Variants in DISC1 observed in about 807,000 individuals in gnomAD.
DISC1 encodes the protein disrupted in schizophrenia 1 protein.
Under a neutral mutation model 84.5 loss-of-function variants are expected in DISC1, and 57 were observed. The ratio of observed to expected loss-of-function variants is 0.67; its 90% CI spans 0.55 to 0.84. DISC1 has a LOEUF of 0.84. DISC1 is among the 40% of genes least tolerant of loss of function. DISC1 has a pLI of 0.00. For synonymous variants in DISC1, 411 were observed against 415.2 expected, an observed-to-expected ratio of 0.99 and a Z score of 0.12; for missense variants, 1,000 against 1,057.8, an observed-to-expected ratio of 0.95 and a Z score of 0.76.
chr1:231,706,411 C>T (rs910811935), intron 3 of DISC1, among the ~76,000 whole-genome samples: 1 of 152,158 alleles, frequency 6.6e-6, no homozygotes, highest in African/African-American at 2.4e-5. Context: ...GGTTACTGTT[C>T]TAGTTGTTCC....
chr1:231,967,035 T>C (rs1661213510), intron 10 of DISC1, among the ~76,000 whole-genome samples: 1 of 152,264 alleles, frequency 6.6e-6, no homozygotes, highest in South Asian at 2.1e-4. Context: ...ATTTAGAGAT[T>C]GATGTATTTT....
chr1:232,008,074 CTG>C (rs1463050674), intron 10 of DISC1, among the ~76,000 whole-genome samples: 3 of 152,354 alleles, frequency 2.0e-5, no homozygotes, highest in African/African-American at 7.2e-5. Flanking sequence ...CCACACTGAA[CTG>C]TGAGTCAATT....
chr1:231,824,856 G>A (rs187500479), intron 9 of DISC1, among the ~76,000 whole-genome samples: 154 of 151,762 alleles, frequency 1.0e-3, no homozygotes, highest in African/African-American at 3.6e-3. Context: ...TGTAGAACCA[G>A]ATCTTGAAGT....
intron 1 of DISC1, among the ~76,000 whole-genome samples, chr1:231,628,076 G>C (rs1385168356): frequency 6.6e-6 from 1 of 152,106 alleles, no homozygotes. Context: ...ATTTTTCCTA[G>C]GCAAAATCTA....
At chr1:232,025,530 C>T (rs1042072601) in intron 11 of DISC1, among the ~76,000 whole-genome samples, 8 of 151,942 alleles carry the variant, frequency 5.3e-5, no homozygotes, top group Non-Finnish European at 1.2e-4. Flanking sequence ...TACTACGTGC[C>T]TGTCATGTGC....
chr1:231,655,196 T>C (rs1305956259), intron 1 of DISC1, among the ~76,000 whole-genome samples: 1 of 152,220 alleles, frequency 6.6e-6, no homozygotes, highest in Non-Finnish European at 1.5e-5. Flanking sequence ...AATTTTAGTG[T>C]ACCCAAGTTG....
chr1:231,881,071 CT>C (rs947592820), intron 9 of DISC1, among the ~76,000 whole-genome samples: 1 of 152,064 alleles, frequency 6.6e-6, no homozygotes, highest in African/African-American at 2.4e-5. Flanking sequence ...CCTTTCTCCC[CT>C]CTCTTTCTTC....
intron 4 of DISC1, among the ~76,000 whole-genome samples, chr1:231,759,611 C>T (rs1222800109): frequency 6.7e-6 from 1 of 149,664 alleles, no homozygotes; most frequent in Non-Finnish European, 1.5e-5. Flanking sequence ...AAAGCTAAGT[C>T]AGGAGGATTG....
At chr1:231,728,393 G>A (rs990711445) in intron 3 of DISC1, among the ~76,000 whole-genome samples, 8 of 152,138 alleles carry the variant, frequency 5.3e-5, no homozygotes, top group Non-Finnish European at 8.8e-5. Context: ...AGGCACAATC[G>A]CCCACTGTCT....
intron 3 of DISC1, among the ~76,000 whole-genome samples, chr1:231,713,515 TGAA>T (rs2068146529): frequency 6.6e-6 from 1 of 151,590 alleles, no homozygotes; most frequent in Non-Finnish European, 1.5e-5. Flanking sequence ...AAAGCTGAAA[TGAA>T]GAATTTACTA....
In DISC1 at chr1:232,008,945, A is replaced by G. The variant is rs1572619344; in HGVS notation, c.2203A>G (p.Arg735Gly). 6.2e-7 allele frequency: 1 copy of G among 1,613,614 alleles called. No individual in the cohort carries two copies. Among genetic ancestry groups the G allele is most frequent in the Non-Finnish European group, 8.5e-7 (1 of 1,179,694 alleles). ...GGGAGCTGCTCCTCCTATTCCCCCC[A>G]GGCTCCACTCCGAGGATAAAAGGAA... Reference protein sequence around the residue: ...LEGAAPPIPPRLHSEDKRKTP... With the variant: ...LEGAAPPIPPGLHSEDKRKTP... Residue 735 changes from arginine (R) to glycine (G), a missense_variant, in exon 11 of 13, where the codon AGG (arginine) becomes GGG (glycine). Around this residue, in one of 3 missense-constraint regions of DISC1, gnomAD observed 397 missense variants for 377.5 expected, o/e 1.05. Transcript: ENST00000439617.
At chr1:231,800,310 T>C in intron 8 of DISC1, 100 bp downstream of exon 8, 1 of 961,202 alleles carries the variant, frequency 1.0e-6, no homozygotes, top group Non-Finnish European at 1.7e-6. Context: ...ACTGTTATTA[T>C]GTCATTCTCA....
At chr1:231,973,348 C>T (rs16855854) in intron 10 of DISC1, among the ~76,000 whole-genome samples, 8,551 of 152,142 alleles carry the variant, frequency 0.056, 340 homozygotes, top group East Asian at 0.2. Context: ...ACCCGGCCGC[C>T]AATGTCTTGT....
Position 231,626,836 on chromosome 1 carries a change from A to T in DISC1, c.-32A>T. ...TCGGGGAAGGAGCAGGAGGCAGCCCAGGCGGAGCGGGAGGAGCTGGCAGCG... is the reference window on the plus strand; with the variant it reads ...TCGGGGAAGGAGCAGGAGGCAGCCCTGGCGGAGCGGGAGGAGCTGGCAGCG... On this transcript the variant is annotated 5_prime_UTR_variant, in exon 1 of 13. Coordinates refer to ENST00000439617, the MANE Select transcript of DISC1 (RefSeq NM_018662.3). The T allele has an allele frequency of 2.1e-6, 3 of 1,424,338 alleles. No individual in the cohort carries two copies. Among genetic ancestry groups the T allele is most frequent in the Non-Finnish European group, 2.7e-6 (3 of 1,099,060 alleles). The allele number at this position is 1,424,338 out of a possible 1,614,324, so 88.2% of individuals were successfully genotyped here.
rs6690571 is a variant in DISC1, at chr1:231,972,296, A to C, written c.2042+13408A>C. Among the ~76,000 whole-genome samples the C allele has an allele frequency of 3.7e-3, 571 of 152,268 alleles. 5 individuals carry two copies. The highest frequency in any genetic ancestry group is 0.012 in the African/African-American group (513 of 41,540). ...TGGCTTATTGGAGCATGAAGGAGAG[A>C]TGTGCTTCTGTAAGATGTCTTGCCC... On this transcript the variant is annotated intron_variant, in intron 10 of 12. Transcript: ENST00000439617.
chr1:231,817,451 A>G (rs1407192454), intron 8 of DISC1, among the ~76,000 whole-genome samples: 1 of 152,220 alleles, frequency 6.6e-6, no homozygotes, highest in Non-Finnish European at 1.5e-5. Context: ...TTTGATTGGA[A>G]TTATATTAAA....
At position 231,770,843 on chromosome 1, in the gene DISC1, C is replaced by G. The variant is rs2492367; in HGVS notation, c.1407C>G (p.Ile469Met). ...CTCCTCATTCTCTACAGAAAGAAAT[C>G]GAAGCTCTCCAAGCAAGGATGTTTG... ...LQEKQQLQKE[I>M]EALQARMFVL... is the part of the protein sequence containing the mutation. Residue 469 changes from isoleucine (I) to methionine (M), a missense_variant, in exon 6 of 13, where the codon ATC becomes ATG. Around this residue, in one of 3 missense-constraint regions of DISC1, gnomAD observed 311 missense variants for 400.1 expected, o/e 0.78. Coordinates refer to ENST00000439617, the MANE Select transcript of DISC1 (RefSeq NM_018662.3). 1 of 1,613,756 alleles carries G rather than the reference C, an allele frequency of 6.2e-7. No individual in the cohort carries two copies. Among genetic ancestry groups the G allele is most frequent in the East Asian group, 2.2e-5 (1 of 44,874 alleles).
intron 9 of DISC1, among the ~76,000 whole-genome samples, chr1:231,898,634 C>T (rs148691712): frequency 3.9e-5 from 6 of 152,248 alleles, no homozygotes; most frequent in African/African-American, 1.4e-4. Context: ...GAATGTTCTA[C>T]ATTCACAAAT....
chr1:231,835,314 G>C (rs1356371399), intron 9 of DISC1, among the ~76,000 whole-genome samples: 3 of 152,222 alleles, frequency 2.0e-5, no homozygotes, highest in Non-Finnish European at 2.9e-5. Context: ...CTGGGTGCAA[G>C]CGGGCTGAGT....
Sources: gnomAD v4.1 joint callset for allele counts (sites outside exome capture counted in the v4.1 genomes callset) on GRCh38, gnomAD v4.1.1 for gene constraint, gnomAD v4.1.1 regional missense constraint, MANE v1.5 for transcripts, NCBI Gene and HGNC (gene_info 2026-07-23, HGNC 2026-07-21) for gene names.